SARDH: variants seen among roughly 807,000 people sequenced by gnomAD.
SARDH encodes sarcosine dehydrogenase, mitochondrial.
Under a neutral mutation model 109.1 loss-of-function variants are expected in SARDH, and 95 were observed. The ratio of observed to expected loss-of-function variants is 0.87; its 90% CI spans 0.74 to 1.03. The LOEUF is 1.03. Among genes scored for constraint, SARDH ranks in the 50% least tolerant of loss-of-function variants. The pLI is 0.00. For missense variants in SARDH, 1,267 were observed against 1,287.8 expected, an observed-to-expected ratio of 0.98 and a Z score of 0.25; for synonymous variants, 572 against 534.8, an observed-to-expected ratio of 1.07 and a Z score of -0.96.
chr9:133,694,583 C>T (rs570956677), intron 14 of SARDH, among the ~76,000 whole-genome samples: 1 of 152,308 alleles, frequency 6.6e-6, no homozygotes, highest in Non-Finnish European at 1.5e-5. Flanking sequence ...TGGCCATGGG[C>T]AGGACATCCC....
intron 4 of SARDH, 85 bp downstream of exon 4, chr9:133,731,220 G>A (rs912420729): frequency 2.6e-6 from 4 of 1,522,450 alleles, no homozygotes; most frequent in African/African-American, 1.4e-5. Flanking sequence ...AATGGCTCTT[G>A]TTCTCTTCCC....
intron 8 of SARDH, among the ~76,000 whole-genome samples, chr9:133,716,705 T>C (rs1387596484): frequency 6.6e-6 from 1 of 152,214 alleles, no homozygotes; most frequent in Non-Finnish European, 1.5e-5. Flanking sequence ...CTCTTCCAGC[T>C]AAGTTCTCCT....
At chr9:133,661,435 T>G (rs990739539), downstream of SARDH, among the ~76,000 whole-genome samples, 6 of 151,866 alleles carry the variant, frequency 4.0e-5, no homozygotes, top group Admixed American at 3.9e-4. Context: ...GCTGTCTCAC[T>G]GCACACTGTG....
intron 7 of SARDH, among the ~76,000 whole-genome samples, chr9:133,717,957 C>A (rs1564287395): frequency 6.6e-6 from 1 of 152,226 alleles, no homozygotes; most frequent in Non-Finnish European, 1.5e-5. Flanking sequence ...CTGAAAAACC[C>A]TGCCCTGACC....
intron 8 of SARDH, among the ~76,000 whole-genome samples, chr9:133,715,566 T>TGAC (rs915920329): frequency 5.9e-5 from 9 of 152,300 alleles, no homozygotes; most frequent in African/African-American, 2.2e-4. Flanking sequence ...TAGCCCCTGC[T>TGAC]GACGGCTGAG....
At chr9:133,710,121 A>C (rs1332097695) in intron 10 of SARDH, among the ~76,000 whole-genome samples, 1 of 152,218 alleles carries the variant, frequency 6.6e-6, no homozygotes, top group African/African-American at 2.4e-5. Flanking sequence ...GTCCCCAAGG[A>C]ATTTCCCTGA....
chr9:133,733,722 TC>T, intron 2 of SARDH, 120 bp downstream of exon 2: 2 of 1,014,114 alleles, frequency 2.0e-6, no homozygotes, highest in Admixed American at 3.7e-5. Context: ...CATGCACCCT[TC>T]CCCAGGGTCT....
chr9:133,681,944 T>C (rs1830710776), intron 17 of SARDH, among the ~76,000 whole-genome samples: 1 of 142,328 alleles, frequency 7.0e-6, no homozygotes, highest in Non-Finnish European at 1.5e-5. Context: ...GACCCCAGCC[T>C]AGAAAGCATT....
chr9:133,678,035 C>A (rs1164727676), intron 17 of SARDH, among the ~76,000 whole-genome samples: 1 of 152,208 alleles, frequency 6.6e-6, no homozygotes, highest in African/African-American at 2.4e-5. Flanking sequence ...GAGGTCAGAC[C>A]CTTCCAGGCC....
intron 8 of SARDH, 89 bp from the exon 9 acceptor site, chr9:133,713,213 G>T (rs1831995786): frequency 1.7e-6 from 2 of 1,159,024 alleles, no homozygotes; most frequent in African/African-American, 1.5e-5. Context: ...GATCAGGCAG[G>T]GTCTGCAGGG....
intron 6 of SARDH, among the ~76,000 whole-genome samples, chr9:133,720,444 C>A (rs945997646): frequency 6.6e-6 from 1 of 152,124 alleles, no homozygotes; most frequent in East Asian, 1.9e-4. Flanking sequence ...TAAATAACCA[C>A]AAACCACAAC....
At chr9:133,675,773 G>T (rs955587488) in intron 17 of SARDH, among the ~76,000 whole-genome samples, 1 of 152,192 alleles carries the variant, frequency 6.6e-6, no homozygotes. Flanking sequence ...CCAAGAGGTA[G>T]ATGCAACCCA....
At chr9:133,708,961 T>A (rs775644966) in intron 10 of SARDH, among the ~76,000 whole-genome samples, 37 of 152,172 alleles carry the variant, frequency 2.4e-4, no homozygotes, top group Non-Finnish European at 4.6e-4. Context: ...GGTGGCCGCC[T>A]GTCCCATCAG....
intron 6 of SARDH, 99 bp downstream of exon 6, chr9:133,729,666 G>A (rs1832605315): frequency 4.1e-6 from 4 of 972,326 alleles, no homozygotes; most frequent in Middle Eastern, 2.3e-4. Flanking sequence ...GCAGTGAGGG[G>A]ACCCACAAGG....
intron 13 of SARDH, among the ~76,000 whole-genome samples, chr9:133,702,142 C>T (rs1831511170): frequency 6.6e-6 from 1 of 152,234 alleles, no homozygotes; most frequent in Non-Finnish European, 1.5e-5. Context: ...CCTGGGGTGG[C>T]ACGGGGACAA....
rs544796802 is a variant in SARDH, at chr9:133,704,913, C to G, written c.1554+35G>C. The G allele has an allele frequency of 8.4e-6, 13 of 1,541,116 alleles. No individual in the cohort carries two copies. The highest frequency in any genetic ancestry group is 7.8e-5 in the Admixed American group (4 of 51,368). ...GGGCAAGGGGGTTGTCAGGGCAGGG[C>G]CTCCCAGCAGCACAGCCCAGCAGGC... On this transcript the variant is annotated intron_variant, in intron 12 of 20. Coordinates refer to ENST00000439388, the MANE Select transcript of SARDH (RefSeq NM_001134707.2). The surrounding 1 kb of genome is among the most constrained non-coding windows in gnomAD (Gnocchi z 4.5).
At chr9:133,722,206 A>G (rs1324389781) in intron 6 of SARDH, among the ~76,000 whole-genome samples, 5 of 152,218 alleles carry the variant, frequency 3.3e-5, no homozygotes, top group Non-Finnish European at 5.9e-5. Flanking sequence ...AAAACCAATC[A>G]ATAGAATACC....
intron 12 of SARDH, among the ~76,000 whole-genome samples, chr9:133,703,853 C>A (rs923051779): frequency 2.0e-5 from 3 of 152,200 alleles, no homozygotes; most frequent in African/African-American, 7.2e-5. Flanking sequence ...GAGTACCCCC[C>A]TCCCCAGCAG....
intron 10 of SARDH, 128 bp from the exon 11 acceptor site, chr9:133,708,556 G>A (rs1196435886): frequency 9.6e-6 from 12 of 1,247,612 alleles, no homozygotes; most frequent in Non-Finnish European, 1.2e-5. Flanking sequence ...TCAGCATTGA[G>A]CGGGCCCCTG....
Sources: allele counts gnomAD v4.1 joint callset (sites outside exome capture counted in the v4.1 genomes callset), GRCh38; gene constraint gnomAD v4.1.1; non-coding constraint Gnocchi (gnomAD v3.1); transcripts MANE v1.5; gene names NCBI Gene and HGNC (gene_info 2026-07-23, HGNC 2026-07-21).